DISC1: variants seen among roughly 807,000 people sequenced by gnomAD.
DISC1 encodes DISC1 scaffold protein.
A neutral mutation model predicts 84.5 loss-of-function variants in DISC1; 57 were observed. The observed-to-expected ratio is 0.67, with a 90% CI of 0.55 to 0.84. The LOEUF is 0.84. Among genes scored for constraint, DISC1 ranks in the 40% least tolerant of loss-of-function variants. The probability of loss-of-function intolerance (pLI) is 0.00; values close to 1 mark genes in which losing one functional copy is unlikely to be tolerated. For synonymous variants in DISC1, 411 were observed against 415.2 expected, an observed-to-expected ratio of 0.99 and a Z score of 0.12; for missense variants, 1,000 against 1,057.8, an observed-to-expected ratio of 0.95 and a Z score of 0.76.
At chr1:231,939,924 G>T (rs1016792352) in intron 9 of DISC1, among the ~76,000 whole-genome samples, 8 of 151,838 alleles carry the variant, frequency 5.3e-5, no homozygotes, top group African/African-American at 1.7e-4. Flanking sequence ...TGTATTTTTA[G>T]TAGAGATGGG....
In DISC1 at chr1:231,715,189, G is replaced by C. The variant is rs569582189; in HGVS notation, c.1117+13165G>C. ...GCTACCTGTCTGTCTCTGTGATGAG[G>C]TGGGTACATCTGTTAGGAGAAGATG... On this transcript the variant is annotated intron_variant, in intron 3 of 12. Coordinates refer to ENST00000439617, the MANE Select transcript of DISC1 (RefSeq NM_018662.3). Among the ~76,000 whole-genome samples, 5 of 152,278 alleles carry C rather than the reference G, an allele frequency of 3.3e-5. No homozygotes were observed. In the South Asian group the frequency reaches 8.3e-4, roughly 25 times the overall value.
intron 9 of DISC1, among the ~76,000 whole-genome samples, chr1:231,912,777 CTTTCTTTCT>C (rs2089327371): frequency 2.1e-5 from 3 of 144,896 alleles, no homozygotes; most frequent in African/African-American, 7.5e-5. Context: ...TTCTTTCTTT[CTTTCTTTCT>C]TTCTTTCTTT....
chr1:231,652,667 T>C (rs2060732552), intron 1 of DISC1, among the ~76,000 whole-genome samples: 2 of 152,224 alleles, frequency 1.3e-5, no homozygotes, highest in Admixed American at 6.5e-5. Context: ...GCCATACAAC[T>C]TTACCGAAAT....
At chr1:231,959,425 G>A (rs1194064702) in intron 10 of DISC1, 1 of 985,712 alleles carries the variant, frequency 1.0e-6, no homozygotes, top group Non-Finnish European at 1.2e-6. Flanking sequence ...TTTTGTGGAT[G>A]TGTGCTTAGG....
chr1:231,628,379 T>C (rs962658310), intron 1 of DISC1, among the ~76,000 whole-genome samples: 40 of 152,354 alleles, frequency 2.6e-4, no homozygotes, highest in African/African-American at 9.6e-4. Flanking sequence ...AGGCAAAAGA[T>C]CTGAAAGCAC....
intron 12 of DISC1, among the ~76,000 whole-genome samples, chr1:232,032,971 AT>A (rs1480552821): frequency 6.6e-6 from 1 of 152,106 alleles, no homozygotes; most frequent in African/African-American, 2.4e-5. Context: ...GAGATAGTTT[AT>A]TTTTCTGTAA....
At chr1:231,809,808 A>G (rs1480141934) in intron 8 of DISC1, among the ~76,000 whole-genome samples, 1 of 152,204 alleles carries the variant, frequency 6.6e-6, no homozygotes, top group Non-Finnish European at 1.5e-5. Flanking sequence ...TTCTGAATGA[A>G]TATTTGGCAC....
At chr1:231,740,703 A>G (rs2073145836) in intron 3 of DISC1, among the ~76,000 whole-genome samples, 1 of 152,218 alleles carries the variant, frequency 6.6e-6, no homozygotes, top group African/African-American at 2.4e-5. Flanking sequence ...ATAATGAGAT[A>G]TCTTCAGGAT....
intron 9 of DISC1, among the ~76,000 whole-genome samples, chr1:231,843,451 A>C (rs1415422714): frequency 6.6e-6 from 1 of 152,148 alleles, no homozygotes; most frequent in Non-Finnish European, 1.5e-5. Context: ...TAAGATTTGC[A>C]TTGGGGGGAT....
At chr1:232,036,282 G>A (rs1283472505) in intron 12 of DISC1, among the ~76,000 whole-genome samples, 1 of 151,954 alleles carries the variant, frequency 6.6e-6, no homozygotes. Flanking sequence ...TATTTCTCAA[G>A]GAGATTTTGA....
chr1:231,785,246 TGTG>T (rs879593984), intron 6 of DISC1, among the ~76,000 whole-genome samples: 1,373 of 86,586 alleles, frequency 0.016, 7 homozygotes, highest in Middle Eastern at 0.029. Flanking sequence ...TGTGTGTGTG[TGTG>T]TGTGTTATTT....
At chr1:232,022,000 C>T (rs183974981) in intron 11 of DISC1, among the ~76,000 whole-genome samples, 2 of 152,154 alleles carry the variant, frequency 1.3e-5, no homozygotes, top group Non-Finnish European at 2.9e-5. Flanking sequence ...GACTGGGTTC[C>T]AGGGTGGGTG....
rs112342901 is a variant in DISC1 at position 231,783,625 on chromosome 1, G to T, written c.1635-11617G>T. Among the ~76,000 whole-genome samples, 448 of 152,280 alleles carry T rather than the reference G, an allele frequency of 2.9e-3. 3 individuals carry two copies. The highest frequency in any genetic ancestry group is 0.01 in the African/African-American group (424 of 41,552). ...AGTTAAAAATAAAGCTGTGATTTTTGATGAAACTGGACTTCAATGCATGCT... is the reference window on the plus strand; with the variant it reads ...AGTTAAAAATAAAGCTGTGATTTTTTATGAAACTGGACTTCAATGCATGCT... On this transcript the variant is annotated intron_variant, in intron 6 of 12. Coordinates refer to ENST00000439617, the MANE Select transcript of DISC1 (RefSeq NM_018662.3).
chr1:231,840,813 C>CT (rs2082995539), intron 9 of DISC1, among the ~76,000 whole-genome samples: 1 of 151,922 alleles, frequency 6.6e-6, no homozygotes, highest in African/African-American at 2.4e-5. Context: ...CAAGGGAATT[C>CT]TTTAGGGGCC....
chr1:231,745,498 A>G, intron 3 of DISC1: 1 of 230,968 alleles, frequency 4.3e-6, no homozygotes, highest in Non-Finnish European at 9.5e-6. Flanking sequence ...CTGGGATTAC[A>G]GGTATGAGCC....
At chr1:231,932,885 G>A (rs549679346) in intron 9 of DISC1, among the ~76,000 whole-genome samples, 1 of 152,240 alleles carries the variant, frequency 6.6e-6, no homozygotes, top group Admixed American at 6.5e-5. Flanking sequence ...ATCGTATTTT[G>A]CCTCTAATTC....
At chr1:231,799,529 C>G (rs1233009590) in intron 7 of DISC1, among the ~76,000 whole-genome samples, 1 of 151,842 alleles carries the variant, frequency 6.6e-6, no homozygotes, top group African/African-American at 2.4e-5. Flanking sequence ...GAGGGAGGGC[C>G]AAGGGAGGTT....
intron 1 of DISC1, 32 bp from the exon 2 acceptor site, chr1:231,693,794 G>A (rs1328696738): frequency 1.2e-6 from 2 of 1,612,000 alleles, no homozygotes; most frequent in Non-Finnish European, 1.7e-6. Flanking sequence ...AGATCTGCAT[G>A]TTTATGGTGC....
intron 4 of DISC1, among the ~76,000 whole-genome samples, chr1:231,753,520 T>C (rs2074826053): frequency 6.6e-6 from 1 of 152,184 alleles, no homozygotes; most frequent in South Asian, 2.1e-4. Context: ...CATGAAACCA[T>C]TCCGTCCTCC....
Sources: gnomAD v4.1 joint callset for allele counts (sites outside exome capture counted in the v4.1 genomes callset) on GRCh38, gnomAD v4.1.1 for gene constraint, MANE v1.5 for transcripts, NCBI Gene and HGNC (gene_info 2026-07-23, HGNC 2026-07-21) for gene names.